The following RIT2 variants were observed in gnomAD, a reference collection of about 807,000 sequenced individuals.
RIT2 encodes GTP-binding protein Rit2.
A neutral mutation model predicts 23.7 loss-of-function variants in RIT2; 24 were observed. The ratio of observed to expected loss-of-function variants is 1.01; its 90% CI spans 0.73 to 1.43. The LOEUF is 1.43. Among genes scored for constraint, RIT2 ranks in the 40% most tolerant of loss-of-function variants. The probability of loss-of-function intolerance (pLI) is 0.00; values close to 1 mark genes in which losing one functional copy is unlikely to be tolerated. For synonymous variants in RIT2, 107 were observed against 91.1 expected (o/e 1.17, Z -0.99); for missense variants, 236 against 266.9 (o/e 0.88, Z 0.81).
At chr18:43,091,813 G>T (rs1913429779) in intron 1 of RIT2, among the ~76,000 whole-genome samples, 1 of 151,984 alleles carries the variant, frequency 6.6e-6, no homozygotes, top group African/African-American at 2.4e-5. Context: ...ATTGAGGGAA[G>T]ATTTCATCTG....
Position 43,036,338 on chromosome 18 carries a change from T to C in RIT2, c.104-2471A>G, listed in dbSNP as rs189740870. On this transcript the variant is annotated intron_variant, in intron 1 of 4. Transcript: ENST00000326695. ...GTGGATCACCTGAGGTCAGGAGTCC[T>C]AGAACAGCCTGGCCAACATGGCGAA... Among the ~76,000 whole-genome samples the C allele has an allele frequency of 5.5e-3, 843 of 152,160 alleles. 6 individuals are homozygous for C. The highest frequency in any genetic ancestry group is 0.027 in the Middle Eastern group (8 of 294).
At chr18:42,996,675 C>G (rs1217188570) in intron 2 of RIT2, among the ~76,000 whole-genome samples, 3 of 151,988 alleles carry the variant, frequency 2.0e-5, no homozygotes, top group Non-Finnish European at 4.4e-5. Context: ...CTACCCAAAT[C>G]TTATAAAACG....
chr18:43,000,163 C>A (rs1333634389), intron 2 of RIT2, among the ~76,000 whole-genome samples: 1 of 152,076 alleles, frequency 6.6e-6, no homozygotes, highest in Non-Finnish European at 1.5e-5. Context: ...GTTTGAATTA[C>A]TCTGTCTACA....
At chr18:42,974,746 A>G (rs1385290607) in intron 2 of RIT2, among the ~76,000 whole-genome samples, 2 of 152,100 alleles carry the variant, frequency 1.3e-5, no homozygotes, top group East Asian at 3.9e-4. Flanking sequence ...CAAAAATAAG[A>G]TATGTTTCTA....
intron 4 of RIT2, among the ~76,000 whole-genome samples, chr18:42,771,034 G>A (rs1354606323): frequency 6.6e-6 from 1 of 152,122 alleles, no homozygotes; most frequent in Non-Finnish European, 1.5e-5. Flanking sequence ...TTCTGATAGA[G>A]CTTCTATGAT....
intron 4 of RIT2, among the ~76,000 whole-genome samples, chr18:42,898,902 C>T (rs1048775090): frequency 5.3e-5 from 8 of 152,080 alleles, no homozygotes; most frequent in African/African-American, 1.7e-4. Context: ...AGTGATATGT[C>T]CTTTTCAGCG....
Position 42,876,627 on chromosome 18 carries a change from C to T in RIT2, c.426+46945G>A, listed in dbSNP as rs558476201. Among the ~76,000 whole-genome samples, 17 of 151,724 alleles carry T rather than the reference C, an allele frequency of 1.1e-4. No individual in the cohort carries two copies. The East Asian group carries it at 1.4e-3, about 12-fold the overall frequency. On this transcript the variant is annotated intron_variant, in intron 4 of 4. Transcript: ENST00000326695. ...AGTTAGTAAATAACACCAGAAAACACGTTCCCTGGCAATTTTGAAAAATGT... is the reference window on the plus strand; with the variant it reads ...AGTTAGTAAATAACACCAGAAAACATGTTCCCTGGCAATTTTGAAAAATGT...
intron 1 of RIT2, among the ~76,000 whole-genome samples, chr18:43,052,021 C>T (rs1232211661): frequency 1.3e-5 from 2 of 152,004 alleles, no homozygotes; most frequent in African/African-American, 2.4e-5. Flanking sequence ...CAGGACTCTG[C>T]CAAAGTTTTA....
At chr18:42,762,789 A>C (rs187414768) in intron 4 of RIT2, among the ~76,000 whole-genome samples, 2 of 152,340 alleles carry the variant, frequency 1.3e-5, no homozygotes, top group East Asian at 3.9e-4. Flanking sequence ...GATTAGCAAC[A>C]TTTTTGTTGA....
intron 3 of RIT2, among the ~76,000 whole-genome samples, chr18:42,932,289 T>C (rs796313838): frequency 3.3e-5 from 5 of 152,244 alleles, no homozygotes; most frequent in African/African-American, 1.2e-4. Context: ...GAGTGGCTAC[T>C]GTAACCCCAC....
At chr18:42,937,752 G>A (rs908725561) in intron 3 of RIT2, among the ~76,000 whole-genome samples, 2 of 152,130 alleles carry the variant, frequency 1.3e-5, no homozygotes, top group African/African-American at 4.8e-5. Context: ...GTTAACATAA[G>A]TTGTAAACAA....
At chr18:43,101,548 A>G (rs1306604092) in intron 1 of RIT2, among the ~76,000 whole-genome samples, 1 of 152,196 alleles carries the variant, frequency 6.6e-6, no homozygotes, top group Non-Finnish European at 1.5e-5. Flanking sequence ...AGAGATCTAG[A>G]AGAAGAGGAA....
intron 4 of RIT2, among the ~76,000 whole-genome samples, chr18:42,874,249 G>A (rs1476859261): frequency 6.6e-6 from 1 of 152,100 alleles, no homozygotes; most frequent in Non-Finnish European, 1.5e-5. Context: ...TTGAGTAATA[G>A]CTTCTTAATG....
intron 3 of RIT2, among the ~76,000 whole-genome samples, chr18:42,933,714 T>C (rs368502446): frequency 5.4e-4 from 82 of 152,228 alleles, no homozygotes; most frequent in African/African-American, 1.9e-3. Context: ...CATGCTGAAC[T>C]GTAAGTCAAT....
At chr18:42,867,367 A>G (rs1568016635) in intron 4 of RIT2, among the ~76,000 whole-genome samples, 1 of 152,148 alleles carries the variant, frequency 6.6e-6, no homozygotes, top group Non-Finnish European at 1.5e-5. Flanking sequence ...TCAAACTCCA[A>G]GCAGATGCAA....
intron 4 of RIT2, among the ~76,000 whole-genome samples, chr18:42,912,734 C>G (rs899751635): frequency 6.6e-6 from 1 of 151,760 alleles, no homozygotes; most frequent in African/African-American, 2.4e-5. Context: ...ACAGTTTTTG[C>G]ATAATTAAAA....
intron 3 of RIT2, among the ~76,000 whole-genome samples, chr18:42,970,917 G>T (rs924946608): frequency 3.3e-5 from 5 of 151,674 alleles, no homozygotes; most frequent in Non-Finnish European, 5.9e-5. Context: ...TTGTTATAGG[G>T]TGTCAGCCAT....
Position 43,105,100 on chromosome 18 carries a change from CTG to C in RIT2, c.103+10315_103+10316del, listed in dbSNP as rs756311809. 8.2e-3 allele frequency among the ~76,000 whole-genome samples: 1,174 copies of C among 142,772 alleles called. 8 individuals carry two copies. Among genetic ancestry groups the C allele is most frequent in the East Asian group, 0.029 (140 of 4,850 alleles). 93.7% of individuals were successfully genotyped at this position (142,772 alleles called of 152,430 possible). On this transcript the variant is annotated intron_variant, in intron 1 of 4. Transcript: ENST00000326695. ...AGTCCTTTCTCTAACAGGCAGTGTG[CTG>C]TGTGTGTGTGTGTGTGTGTGTGTGT...
At chr18:42,956,620 G>A (rs1909976329) in intron 3 of RIT2, among the ~76,000 whole-genome samples, 1 of 152,096 alleles carries the variant, frequency 6.6e-6, no homozygotes, top group South Asian at 2.1e-4. Context: ...CAAATTGCCT[G>A]TTTTAATTAT....
Sources: allele counts gnomAD v4.1 joint callset (sites outside exome capture counted in the v4.1 genomes callset), GRCh38; gene constraint gnomAD v4.1.1; transcripts MANE v1.5; gene names NCBI Gene and HGNC (gene_info 2026-07-23, HGNC 2026-07-21).